Variants in ATP6V1E1 observed in about 807,000 individuals in gnomAD.
The protein encoded by ATP6V1E1 is V-type proton ATPase subunit E 1.
A neutral mutation model predicts 35.2 loss-of-function variants in ATP6V1E1; 21 were observed. The ratio of observed to expected loss-of-function variants is 0.60; its 90% CI spans 0.42 to 0.86. The LOEUF (loss-of-function observed/expected upper bound fraction) is 0.86. Among genes scored for constraint, ATP6V1E1 ranks in the 40% least tolerant of loss-of-function variants. The pLI, the probability that ATP6V1E1 is intolerant of heterozygous loss-of-function variation, is 0.00. For missense variants in ATP6V1E1, 183 were observed against 272.6 expected (o/e 0.67, Z 2.32); for synonymous variants, 83 against 87.8 (o/e 0.95, Z 0.30).
chr22:17,597,937 A>G (rs1420078601), intron 7 of ATP6V1E1: 15 of 428,274 alleles, frequency 3.5e-5, no homozygotes, highest in South Asian at 2.8e-5. Context: ...TCAGCCTCCC[A>G]AAGTGTTGGG....
In ATP6V1E1 at chr22:17,596,038, A is replaced by C. The variant is rs1183502031; in HGVS notation, c.531-1422T>G. ...TCCCAGCTAATCGGGAGGCTAAGGC[A>C]GGAGAATGGTGTGAACCTGGGAGGT... On this transcript the variant is annotated intron_variant, in intron 7 of 8. Transcript: ENST00000253413. Among the ~76,000 whole-genome samples, 5 of 152,114 alleles carry C rather than the reference A, an allele frequency of 3.3e-5. No homozygotes were observed. The East Asian group carries it at 9.6e-4, about 29-fold the overall frequency.
intron 4 of ATP6V1E1, among the ~76,000 whole-genome samples, chr22:17,610,513 T>G (rs944417528): frequency 2.0e-5 from 3 of 151,950 alleles, no homozygotes; most frequent in Non-Finnish European, 4.4e-5. Context: ...AAAGGTGGCA[T>G]AAAAAACAAA....
At position 17,623,117 on chromosome 22, in the gene ATP6V1E1, C is replaced by T. The variant is rs533659831; in HGVS notation, c.34-3591G>A. 2.6e-5 allele frequency among the ~76,000 whole-genome samples: 4 copies of T among 152,250 alleles called. No homozygotes were observed. In the East Asian group the frequency reaches 7.7e-4, roughly 29 times the overall value. On this transcript the variant is annotated intron_variant, in intron 1 of 8. Transcript: ENST00000253413. ...TTGTTACACACTCAGTGGATTCCAA[C>T]TTCTGTGGCCACCATCGTGTTTCCA...
chr22:17,604,423 A>T (rs1297921505), intron 4 of ATP6V1E1, among the ~76,000 whole-genome samples: 1 of 152,200 alleles, frequency 6.6e-6, no homozygotes, highest in Non-Finnish European at 1.5e-5. Flanking sequence ...CTGCTCCTCA[A>T]AAGCAGGAAA....
At chr22:17,605,704 T>C (rs1483509048) in intron 4 of ATP6V1E1, among the ~76,000 whole-genome samples, 2 of 147,986 alleles carry the variant, frequency 1.4e-5, no homozygotes, top group African/African-American at 2.5e-5. Flanking sequence ...TTTTTTTTTT[T>C]TTTTTTTTTT....
At chr22:17,607,527 G>C (rs149174889) in intron 4 of ATP6V1E1, among the ~76,000 whole-genome samples, 7 of 152,094 alleles carry the variant, frequency 4.6e-5, no homozygotes, top group Non-Finnish European at 8.8e-5. Context: ...CATCACAACT[G>C]TAAGTCACCA....
chr22:17,601,054 C>A, intron 5 of ATP6V1E1, 38 bp downstream of exon 5: 4 of 1,557,414 alleles, frequency 2.6e-6, no homozygotes, highest in Non-Finnish European at 3.5e-6. Flanking sequence ...TTTCTCAGAA[C>A]TGTGGCTATC....
chr22:17,628,289 A>C (rs371317798), intron 1 of ATP6V1E1, among the ~76,000 whole-genome samples: 18 of 152,316 alleles, frequency 1.2e-4, no homozygotes, highest in African/African-American at 4.3e-4. Context: ...CAATCCTTGC[A>C]CAGATCTCTG....
chr22:17,607,637 C>T (rs1226751299), intron 4 of ATP6V1E1, among the ~76,000 whole-genome samples: 1 of 152,026 alleles, frequency 6.6e-6, no homozygotes, highest in Non-Finnish European at 1.5e-5. Context: ...TAAGCCATAC[C>T]CTCCTTGTTT....
intron 5 of ATP6V1E1, 108 bp from the exon 6 acceptor site, chr22:17,600,203 G>C: frequency 1.0e-6 from 1 of 977,744 alleles, no homozygotes; most frequent in Admixed American, 2.1e-5. Flanking sequence ...GGAAGGCCAA[G>C]GCGGGCGGAT....
rs771984407 is a variant in ATP6V1E1 at position 17,606,675 on chromosome 22, G to A, written c.277-5494C>T. On this transcript the variant is annotated intron_variant, in intron 4 of 8. Coordinates refer to ENST00000253413, the MANE Select transcript of ATP6V1E1 (RefSeq NM_001696.4). ...ACAGCCCAGCTTGTGAACAGGCCAC[G>A]CACGCTGCCTTCAGCTCCTCACCTC... Among the ~76,000 whole-genome samples, 4 of 152,250 alleles carry A rather than the reference G, an allele frequency of 2.6e-5. No individual in the cohort carries two copies. The South Asian group carries it at 6.2e-4, about 24-fold the overall frequency.
intron 1 of ATP6V1E1, among the ~76,000 whole-genome samples, chr22:17,623,232 T>C (rs1006164282): frequency 1.3e-5 from 2 of 152,164 alleles, no homozygotes. Context: ...CTTGAAATAC[T>C]TGGGGTACCT....
chr22:17,605,224 G>A (rs11089191), intron 4 of ATP6V1E1, among the ~76,000 whole-genome samples: 30,309 of 112,400 alleles, frequency 0.27, 4,438 homozygotes, highest in African/African-American at 0.32. Context: ...AAAAAAAAAA[G>A]AAAAGAAAAG....
At chr22:17,598,428 C>A in intron 6 of ATP6V1E1, 140 bp from the exon 7 acceptor site, 1 of 659,356 alleles carries the variant, frequency 1.5e-6, no homozygotes, top group South Asian at 1.8e-5. Flanking sequence ...GAATGTAAAA[C>A]GGCACGGCCA....
chr22:17,624,301 A>G (rs2146318900), intron 1 of ATP6V1E1, among the ~76,000 whole-genome samples: 1 of 152,328 alleles, frequency 6.6e-6, no homozygotes, highest in East Asian at 1.9e-4. Flanking sequence ...GACACCTGTA[A>G]TCCCAATACT....
intron 2 of ATP6V1E1, among the ~76,000 whole-genome samples, chr22:17,613,966 C>CA (rs1029433698): frequency 1.4e-3 from 196 of 144,764 alleles, no homozygotes; most frequent in African/African-American, 4.6e-3. Flanking sequence ...AACTCTGTCT[C>CA]AAAAAAAAAC....
In ATP6V1E1 at chr22:17,592,438, TG is replaced by T; in HGVS notation, c.*235del. ...CCTCCCCTAGTGCTGCAGAACCGGC[TG>T]GACACTGTCACACTTTCAGAAGAAC... On this transcript the variant is annotated 3_prime_UTR_variant, in exon 9 of 9. Transcript: ENST00000253413. 1 of 528,204 alleles carries T rather than the reference TG, an allele frequency of 1.9e-6. No homozygotes were observed. The highest frequency in any genetic ancestry group is 3.4e-6 in the Non-Finnish European group (1 of 294,832). The allele number at this position is 528,204 out of a possible 1,614,324, so 32.7% of individuals were successfully genotyped here.
chr22:17,606,509 A>G (rs534965407), intron 4 of ATP6V1E1, among the ~76,000 whole-genome samples: 2 of 152,318 alleles, frequency 1.3e-5, no homozygotes, highest in South Asian at 2.1e-4. Flanking sequence ...TATCTTTAGA[A>G]TAACTGAAAT....
At chr22:17,619,746 T>C (rs2057865745) in intron 1 of ATP6V1E1, among the ~76,000 whole-genome samples, 2 of 152,164 alleles carry the variant, frequency 1.3e-5, no homozygotes, top group African/African-American at 2.4e-5. Context: ...GTCAATCACT[T>C]ACTGAATGCA....
Sources: allele counts gnomAD v4.1 joint callset (sites outside exome capture counted in the v4.1 genomes callset), GRCh38; gene constraint gnomAD v4.1.1; transcripts MANE v1.5; gene names NCBI Gene and HGNC (gene_info 2026-07-23, HGNC 2026-07-21).